The following DEFB112 variants were observed in gnomAD, a reference collection of about 807,000 sequenced individuals.
DEFB112 encodes beta-defensin 112.
In DEFB112, 2 loss-of-function variants were observed where a neutral mutation model predicts 1.1. The ratio of observed to expected loss-of-function variants is 1.85; its 90% CI spans 0.76 to 5.83. The LOEUF (loss-of-function observed/expected upper bound fraction) is 5.83, where lower values mean the gene tolerates loss of function less well. Among genes scored for constraint, DEFB112 ranks in the 30% most tolerant of loss-of-function variants. The pLI is 0.05. For missense variants in DEFB112, 120 were observed against 94.4 expected, an observed-to-expected ratio of 1.27 and a Z score of -1.12; for synonymous variants, 40 against 31.2, an observed-to-expected ratio of 1.28 and a Z score of -0.93.
At chr6:50,047,175 G>A (rs1016332241) in intron 1 of DEFB112, among the ~76,000 whole-genome samples, 2 of 152,204 alleles carry the variant, frequency 1.3e-5, no homozygotes, top group Admixed American at 1.3e-4. Context: ...CTACTGGGCA[G>A]GCCTGGAGGG....
At chr6:50,048,534 T>C in intron 1 of DEFB112, 1 of 1,609,072 alleles carries the variant, frequency 6.2e-7, no homozygotes, top group East Asian at 2.2e-5. Context: ...TATTTTGTTT[T>C]ACCTGTGCTG....
chr6:50,049,336 G>C (rs1160137206), intron 1 of DEFB112, among the ~76,000 whole-genome samples: 1 of 152,078 alleles, frequency 6.6e-6, no homozygotes, highest in African/African-American at 2.4e-5. Flanking sequence ...GACAAGTGCA[G>C]CTTGTCTCAA....
At position 50,043,772 on chromosome 6, in the gene DEFB112, T is replaced by A. The variant is rs758273307; in HGVS notation, c.88A>T (p.Ser30Cys). ...ATCGCTGTACATGACTTCCACCTAC[T>A]AAAGGTGATATGGTGCCCTTCACTT... Reference protein sequence around the residue: ...ARSEGHHITFSRWKSCTAIGG... With the variant: ...ARSEGHHITFCRWKSCTAIGG... The change falls in exon 2 of 2, where the codon AGT becomes TGT. Residue 30 changes from serine to cysteine, a missense_variant. Transcript: ENST00000651554. 6.2e-7 allele frequency: 1 copy of A among 1,613,366 alleles called. No homozygotes were observed. Among genetic ancestry groups the A allele is most frequent in the South Asian group, 1.1e-5 (1 of 91,048 alleles).
chr6:50,046,587 C>T (rs1774838536), intron 1 of DEFB112, among the ~76,000 whole-genome samples: 1 of 151,978 alleles, frequency 6.6e-6, no homozygotes, highest in East Asian at 1.9e-4. Context: ...AGGATGAGCA[C>T]TTTAAAGAGG....
chr6:50,049,758 TC>T (rs1483138051), intron 1 of DEFB112, among the ~76,000 whole-genome samples, 53 bp downstream of exon 1: 1 of 151,886 alleles, frequency 6.6e-6, no homozygotes, highest in Non-Finnish European at 1.5e-5. Flanking sequence ...ATAACCCAGC[TC>T]CCCGACTTTA....
intron 1 of DEFB112, among the ~76,000 whole-genome samples, chr6:50,046,394 C>A (rs567779093): frequency 9.5e-4 from 144 of 152,138 alleles, no homozygotes; most frequent in African/African-American, 3.2e-3. Context: ...ATCTAATAAA[C>A]TTTATATGAT....
intron 1 of DEFB112, among the ~76,000 whole-genome samples, chr6:50,045,933 C>A (rs1774824095): frequency 6.6e-6 from 1 of 152,102 alleles, no homozygotes. Context: ...GACATACGTT[C>A]AGTGGATACA....
intron 1 of DEFB112, chr6:50,048,644 A>G (rs925250603): frequency 3.7e-6 from 6 of 1,610,468 alleles, no homozygotes; most frequent in Non-Finnish European, 4.2e-6. Context: ...GGTTGTCAAT[A>G]ATTTCATAAG....
At chr6:50,045,504 A>T (rs1774816631) in intron 1 of DEFB112, among the ~76,000 whole-genome samples, 1 of 152,154 alleles carries the variant, frequency 6.6e-6, no homozygotes, top group Non-Finnish European at 1.5e-5. Flanking sequence ...TTGAACATGT[A>T]TACACATAAA....
chr6:50,043,661 C>T lies in DEFB112; in HGVS notation c.199G>A (p.Glu67Lys). The T allele has an allele frequency of 6.2e-7, 1 of 1,613,576 alleles. No homozygotes were observed. The highest frequency in any genetic ancestry group is 8.5e-7 in the Non-Finnish European group (1 of 1,179,602). ...ARPTTHCCVT[E>K]CDPTDPNNWI... ...TTATTTGGGTCCGTAGGGTCACATT[C>T]TGTCACGCAGCAATGAGTTGTAGGT... The change falls in exon 2 of 2, where the codon GAA (glutamate) becomes AAA (lysine). Residue 67 changes from glutamate to lysine, a missense_variant. Coordinates refer to ENST00000651554, the MANE Select transcript of DEFB112 (RefSeq NM_001369057.2).
At chr6:50,045,000 A>G (rs1169088196) in intron 1 of DEFB112, among the ~76,000 whole-genome samples, 1 of 152,100 alleles carries the variant, frequency 6.6e-6, no homozygotes, top group Non-Finnish European at 1.5e-5. Flanking sequence ...CTACACTATC[A>G]GAGGATATTC....
At chr6:50,049,028 A>C (rs1434442007) in intron 1 of DEFB112, among the ~76,000 whole-genome samples, 1 of 152,116 alleles carries the variant, frequency 6.6e-6, no homozygotes, top group Non-Finnish European at 1.5e-5. Context: ...GAGAATTCTA[A>C]TGAGCACACT....
At chr6:50,049,626 CT>C (rs1443241292) in intron 1 of DEFB112, among the ~76,000 whole-genome samples, 185 bp downstream of exon 1, 1 of 152,014 alleles carries the variant, frequency 6.6e-6, no homozygotes, top group African/African-American at 2.4e-5. Context: ...GAATTACAGC[CT>C]TTTCTAGGAT....
intron 1 of DEFB112, among the ~76,000 whole-genome samples, chr6:50,046,751 T>C (rs1416127899): frequency 6.6e-6 from 1 of 152,240 alleles, no homozygotes; most frequent in African/African-American, 2.4e-5. Flanking sequence ...TATTCTACTC[T>C]ATGACTCTAC....
In DEFB112 at chr6:50,042,994, C is replaced by G. The variant is rs767887619; in HGVS notation, c.*581G>C. On this transcript the variant is annotated 3_prime_UTR_variant, in exon 2 of 2. Transcript: ENST00000651554. The stretch of plus-strand genomic sequence containing the variant: ...TATTGCCACAAGCTACAGGGATTTA[C>G]CATTCTTCTTTTCCTTCCTCAACCT... 6.6e-6 allele frequency among the ~76,000 whole-genome samples: 1 copy of G among 151,918 alleles called. No homozygotes were observed. Among genetic ancestry groups the G allele is most frequent in the African/African-American group, 2.4e-5 (1 of 41,384 alleles).
chr6:50,043,056 G>GA lies in DEFB112; in HGVS notation c.*518dup, dbSNP rs570094060. 1.5e-4 allele frequency among the ~76,000 whole-genome samples: 23 copies of GA among 151,184 alleles called. No individual in the cohort carries two copies. The highest frequency in any genetic ancestry group is 7.3e-4 in the Admixed American group (11 of 15,162). ...ATTCTACCTTTTGAGATTATTCTTG[G>GA]AAAAAAAATCAGTTATTTTTATTTT... On this transcript the variant is annotated 3_prime_UTR_variant, in exon 2 of 2. Transcript: ENST00000651554.
chr6:50,042,796 G>A lies in DEFB112; in HGVS notation c.*779C>T, dbSNP rs1473843885. Reference sequence around the variant, plus strand: ...TTTCTATAATAGAAATTATATGTGTGAGCATGCATACACACATATATAATT... The same window carrying A: ...TTTCTATAATAGAAATTATATGTGTAAGCATGCATACACACATATATAATT... On this transcript the variant is annotated 3_prime_UTR_variant, in exon 2 of 2. Transcript: ENST00000651554. Among the ~76,000 whole-genome samples, 1 of 151,868 alleles carries A rather than the reference G, an allele frequency of 6.6e-6. No homozygotes were observed. Among genetic ancestry groups the A allele is most frequent in the Non-Finnish European group, 1.5e-5 (1 of 67,904 alleles).
chr6:50,047,692 G>GA (rs1745175311), intron 1 of DEFB112, among the ~76,000 whole-genome samples: 1 of 152,102 alleles, frequency 6.6e-6, no homozygotes, highest in Non-Finnish European at 1.5e-5. Context: ...TAAGTTCCCA[G>GA]TCCCTTATCT....
At chr6:50,047,688 C>T (rs1318409325) in intron 1 of DEFB112, among the ~76,000 whole-genome samples, 1 of 152,154 alleles carries the variant, frequency 6.6e-6, no homozygotes, top group Non-Finnish European at 1.5e-5. Context: ...AAACTAAGTT[C>T]CCAGTCCCTT....
Sources: allele counts gnomAD v4.1 joint callset (sites outside exome capture counted in the v4.1 genomes callset), GRCh38; gene constraint gnomAD v4.1.1; transcripts MANE v1.5; gene names NCBI Gene and HGNC (gene_info 2026-07-23, HGNC 2026-07-21).